Variants in CNTN4 observed in about 807,000 individuals in gnomAD.
CNTN4 encodes contactin 4.
A neutral mutation model predicts 122.5 loss-of-function variants in CNTN4; 77 were observed. That is an observed-to-expected ratio of 0.63 (90% CI 0.52 to 0.76). The LOEUF (loss-of-function observed/expected upper bound fraction) is 0.76. CNTN4 is among the 30% of genes least tolerant of loss of function. The pLI is 0.00. For synonymous variants in CNTN4, 512 were observed against 447.0 expected, an observed-to-expected ratio of 1.15 and a Z score of -1.83; for missense variants, 1,256 against 1,259.1, an observed-to-expected ratio of 1.00 and a Z score of 0.04.
Position 2,169,562 on chromosome 3 carries a change from C to T in CNTN4, c.-145+68923C>T, listed in dbSNP as rs919835065. On this transcript the variant is annotated intron_variant, in intron 2 of 24. Transcript: ENST00000418658. ...GCTGGGACTACAGGCGCCGCCACCACGCCCGGCTGATTTTTTTGTAGAGAC... is the reference window on the plus strand; with the variant it reads ...GCTGGGACTACAGGCGCCGCCACCATGCCCGGCTGATTTTTTTGTAGAGAC... Among the ~76,000 whole-genome samples the T allele has an allele frequency of 8.8e-4, 132 of 149,426 alleles. 1 individual carries two copies. Among genetic ancestry groups the T allele is most frequent in the Non-Finnish European group, 1.5e-3 (98 of 67,164 alleles).
At chr3:2,670,101 A>G (rs1435297866) in intron 4 of CNTN4, among the ~76,000 whole-genome samples, 2 of 152,202 alleles carry the variant, frequency 1.3e-5, no homozygotes, top group African/African-American at 4.8e-5. Context: ...GTAGATGTCT[A>G]TTAGGTCTGC....
At chr3:2,464,571 A>G (rs2075430258) in intron 3 of CNTN4, among the ~76,000 whole-genome samples, 1 of 152,252 alleles carries the variant, frequency 6.6e-6, no homozygotes, top group Non-Finnish European at 1.5e-5. Context: ...AGTGTTGTTT[A>G]TCAGACTCTG....
intron 2 of CNTN4, among the ~76,000 whole-genome samples, chr3:2,145,557 C>T (rs145044191): frequency 1.3e-3 from 191 of 152,136 alleles, no homozygotes; most frequent in Non-Finnish European, 2.2e-3. Context: ...AGGAAAGGAC[C>T]GGCAGATTGG....
chr3:2,458,093 C>A (rs1036125411), intron 3 of CNTN4, among the ~76,000 whole-genome samples: 2 of 152,096 alleles, frequency 1.3e-5, no homozygotes, highest in African/African-American at 4.8e-5. Flanking sequence ...TACAGCATTG[C>A]AAACTATGGA....
chr3:3,037,414 G>C, intron 18 of CNTN4, 86 bp downstream of exon 18: 1 of 1,543,784 alleles, frequency 6.5e-7, no homozygotes, highest in Admixed American at 1.7e-5. Context: ...GCTCTTCAGC[G>C]CTCATGCGGC....
chr3:2,253,034 T>C (rs537443134), intron 2 of CNTN4, among the ~76,000 whole-genome samples: 1 of 152,274 alleles, frequency 6.6e-6, no homozygotes, highest in East Asian at 1.9e-4. Flanking sequence ...AGTTGTTTGA[T>C]TAGTTTCAGC....
intron 9 of CNTN4, 146 bp downstream of exon 9, chr3:2,883,393 G>A (rs2150985374): frequency 2.9e-6 from 2 of 680,478 alleles, no homozygotes; most frequent in South Asian, 1.6e-5. Flanking sequence ...ATGCATCTTG[G>A]ATTCTGCCCC....
intron 4 of CNTN4, among the ~76,000 whole-genome samples, chr3:2,714,737 G>A (rs951403741): frequency 6.6e-6 from 1 of 151,996 alleles, no homozygotes; most frequent in Non-Finnish European, 1.5e-5. Context: ...GTTTATTTAT[G>A]TATTTTTATG....
chr3:2,172,683 C>T (rs1213777475), intron 2 of CNTN4, among the ~76,000 whole-genome samples: 2 of 152,192 alleles, frequency 1.3e-5, no homozygotes, highest in East Asian at 3.9e-4. Context: ...GTGAGAAGGA[C>T]ATGAGTGGTT....
chr3:2,613,951 G>A (rs180847437), intron 4 of CNTN4, among the ~76,000 whole-genome samples: 107 of 152,124 alleles, frequency 7.0e-4, no homozygotes, highest in African/African-American at 2.5e-3. Flanking sequence ...TGTGCTGACC[G>A]CTGTTCTAAC....
intron 4 of CNTN4, among the ~76,000 whole-genome samples, chr3:2,655,782 A>G (rs1233596748): frequency 6.6e-6 from 1 of 152,176 alleles, no homozygotes; most frequent in East Asian, 1.9e-4. Flanking sequence ...CCTCTTTGCC[A>G]GAAGATGCTA....
chr3:2,801,287 G>C (rs1273839276), intron 6 of CNTN4, among the ~76,000 whole-genome samples: 1 of 152,156 alleles, frequency 6.6e-6, no homozygotes, highest in Non-Finnish European at 1.5e-5. Context: ...TTTCCATATA[G>C]AACTTAGTAA....
intron 3 of CNTN4, among the ~76,000 whole-genome samples, chr3:2,449,539 C>T (rs953843642): frequency 4.0e-5 from 6 of 150,672 alleles, no homozygotes; most frequent in Non-Finnish European, 7.4e-5. Flanking sequence ...TGCTTGAACC[C>T]AGGAGGCGGA....
At chr3:2,781,004 A>T (rs2091545992) in intron 6 of CNTN4, among the ~76,000 whole-genome samples, 3 of 152,222 alleles carry the variant, frequency 2.0e-5, no homozygotes, top group Admixed American at 2.0e-4. Flanking sequence ...GGAAAGCAGG[A>T]GGCAAATCAA....
Position 2,297,411 on chromosome 3 carries a change from T to C in CNTN4, c.-144-41767T>C, listed in dbSNP as rs542179616. Among the ~76,000 whole-genome samples the C allele has an allele frequency of 3.9e-5, 6 of 152,294 alleles. No individual in the cohort carries two copies. The East Asian group carries it at 1.2e-3, about 29-fold the overall frequency. ...TACATTAAAAATTACAGAATTGATT[T>C]AAGATTGTGTTAAGAGGTTATGTTG... On this transcript the variant is annotated intron_variant, in intron 2 of 24. Coordinates refer to ENST00000418658, the MANE Select transcript of CNTN4 (RefSeq NM_175607.3).
rs746657018 is a variant in CNTN4 at position 2,849,986 on chromosome 3, C to CTTTTTTTTTT, written c.455-16758_455-16757insTTTTTTTTTT. On this transcript the variant is annotated intron_variant, in intron 7 of 24. Coordinates refer to ENST00000418658, the MANE Select transcript of CNTN4 (RefSeq NM_175607.3). ...CCATTTTGGAAAATGTTAGCAATCA[C>CTTTTTTTTTT]TTTTTTTTCTTTTTTTTTTCTGAGA... Among the ~76,000 whole-genome samples the CTTTTTTTTTT allele has an allele frequency of 4.3e-5, 6 of 140,698 alleles. 1 individual carries two copies. The highest frequency in any genetic ancestry group is 5.3e-5 in the African/African-American group (2 of 37,916). The allele number at this position is 140,698 out of a possible 152,430, so 92.3% of individuals were successfully genotyped here. A position where few individuals can be genotyped will look rare whatever the true frequency, so the allele number is the denominator to read the frequency against.
At chr3:2,174,917 G>A (rs1187866491) in intron 2 of CNTN4, among the ~76,000 whole-genome samples, 4 of 152,064 alleles carry the variant, frequency 2.6e-5, no homozygotes, top group African/African-American at 9.7e-5. Context: ...ATTATTGTAA[G>A]GACAGCACGA....
chr3:2,857,612 C>G (rs1449462606), intron 7 of CNTN4, among the ~76,000 whole-genome samples: 1 of 152,110 alleles, frequency 6.6e-6, no homozygotes, highest in East Asian at 1.9e-4. Flanking sequence ...TAGTCTTGCT[C>G]TGTTGGCCAG....
chr3:2,925,690 T>G lies in CNTN4; in HGVS notation c.1269T>G (p.Gly423=). 6.2e-7 allele frequency: 1 copy of G among 1,613,932 alleles called. No homozygotes were observed. Among genetic ancestry groups the G allele is most frequent in the Non-Finnish European group, 8.5e-7 (1 of 1,179,866 alleles). ...LKRVTLVKVG[G]EVVIECKPKA... ...GAGTAACTCTTGTCAAAGTGGGAGGTGAAGTTGTCATTGAGTGTAAGCCAA... is the reference window on the plus strand; with the variant it reads ...GAGTAACTCTTGTCAAAGTGGGAGGGGAAGTTGTCATTGAGTGTAAGCCAA... The change falls in exon 13 of 25, where the codon GGT becomes GGG. Residue 423 remains glycine, a synonymous_variant. Transcript: ENST00000418658.
Sources: allele counts gnomAD v4.1 joint callset (sites outside exome capture counted in the v4.1 genomes callset), GRCh38; gene constraint gnomAD v4.1.1; transcripts MANE v1.5; gene names NCBI Gene and HGNC (gene_info 2026-07-23, HGNC 2026-07-21).